The following WDFY4 variants were observed in gnomAD, a reference collection of about 807,000 sequenced individuals.
WDFY4 encodes the protein WDFY family member 4.
Under a neutral mutation model 351.9 loss-of-function variants are expected in WDFY4, and 169 were observed. That is an observed-to-expected ratio of 0.48 (90% CI 0.42 to 0.55). The LOEUF is 0.55. Among genes scored for constraint, WDFY4 ranks in the 20% least tolerant of loss-of-function variants. The pLI, the probability that WDFY4 is intolerant of heterozygous loss-of-function variation, is 0.00. For missense variants in WDFY4, 3,803 were observed against 3,935.6 expected (o/e 0.97, Z 0.90); for synonymous variants, 1,622 against 1,574.6 (o/e 1.03, Z -0.71).
intron 12 of WDFY4, among the ~76,000 whole-genome samples, chr10:48,751,686 C>T (rs143333975): frequency 1.5e-4 from 23 of 152,282 alleles, no homozygotes; most frequent in African/African-American, 5.5e-4. Flanking sequence ...TAATGCATCC[C>T]TCAAGTATCC....
Position 48,923,506 on chromosome 10 carries a change from A to ATATATGTATG in WDFY4, c.7587-18295_7587-18294insGTATGTATAT, listed in dbSNP as rs1554812693. ...AACAAATAGTTTTTAGTATATATAT[A>ATATATGTATG]TATATATGTCCCAAATACCGCATAG... On this transcript the variant is annotated intron_variant, in intron 47 of 61. Coordinates refer to ENST00000325239, the MANE Select transcript of WDFY4 (RefSeq NM_001394531.1). 7.8e-5 allele frequency among the ~76,000 whole-genome samples: 9 copies of ATATATGTATG among 115,114 alleles called. 1 individual carries two copies. The highest frequency in any genetic ancestry group is 3.4e-4 in the South Asian group (1 of 2,982). 75.5% of individuals were successfully genotyped at this position (115,114 alleles called of 152,430 possible).
intron 57 of WDFY4, among the ~76,000 whole-genome samples, chr10:48,973,459 C>T (rs548640783): frequency 1.8e-3 from 278 of 152,278 alleles, no homozygotes; most frequent in African/African-American, 6.5e-3. Context: ...TTGCTATGAC[C>T]GGGCAAAGTG....
intron 35 of WDFY4, among the ~76,000 whole-genome samples, chr10:48,826,174 G>A (rs62382440): frequency 3.3e-5 from 5 of 152,270 alleles, no homozygotes; most frequent in Middle Eastern, 3.4e-3. Context: ...TTCTGTGTAC[G>A]TCTAGCCAGT....
At chr10:48,939,615 T>G (rs1281783061) in intron 47 of WDFY4, among the ~76,000 whole-genome samples, 1 of 152,250 alleles carries the variant, frequency 6.6e-6, no homozygotes, top group African/African-American at 2.4e-5. Context: ...TGCGGTTTAT[T>G]AACTTTTAAA....
In WDFY4 at chr10:48,969,124, C is replaced by G. The variant is rs1842221687; in HGVS notation, c.8645C>G (p.Ser2882Cys). 1.3e-6 allele frequency: 2 copies of G among 1,551,672 alleles called. No homozygotes were observed. Among genetic ancestry groups the G allele is most frequent in the Non-Finnish European group, 1.7e-6 (2 of 1,146,992 alleles). ...SPKGAIGHIV[S>C]TEKTILAVER... Reference sequence around the variant, plus strand: ...AAAGGGGCCATTGGCCACATTGTCTCTACTGAGAAGACCATTCTGGCTGTA... The same window carrying G: ...AAAGGGGCCATTGGCCACATTGTCTGTACTGAGAAGACCATTCTGGCTGTA... The change falls in exon 56 of 62, where the codon TCT (serine) becomes TGT (cysteine). Residue 2882 changes from serine (S) to cysteine (C), a missense_variant. Ser to Cys is a moderately radical substitution (Grantham distance 112, BLOSUM62 -1). Transcript: ENST00000325239.
At chr10:48,820,967 G>C in intron 33 of WDFY4, 95 bp from the exon 34 acceptor site, 2 of 829,940 alleles carry the variant, frequency 2.4e-6, no homozygotes, top group Non-Finnish European at 4.0e-6. Context: ...TGGCAGATGC[G>C]GCATAAGTGT....
chr10:48,891,369 T>C (rs1170812946), intron 44 of WDFY4, among the ~76,000 whole-genome samples: 1 of 152,264 alleles, frequency 6.6e-6, no homozygotes, highest in Non-Finnish European at 1.5e-5. Context: ...GCAGTTGGTC[T>C]ATTTGGGTAC....
intron 47 of WDFY4, among the ~76,000 whole-genome samples, chr10:48,917,974 A>G (rs1838706449): frequency 6.6e-6 from 1 of 152,228 alleles, no homozygotes; most frequent in African/African-American, 2.4e-5. Context: ...CAAGACCTAT[A>G]TGGTGGTAAG....
intron 54 of WDFY4, among the ~76,000 whole-genome samples, 183 bp downstream of exon 54, chr10:48,964,237 A>G (rs908227798): frequency 1.3e-5 from 2 of 152,238 alleles, no homozygotes; most frequent in Non-Finnish European, 2.9e-5. Context: ...GCATATGATG[A>G]CATCATTAGT....
intron 1 of WDFY4, among the ~76,000 whole-genome samples, chr10:48,694,165 G>T (rs534807029): frequency 6.6e-6 from 1 of 152,158 alleles, no homozygotes; most frequent in Admixed American, 6.5e-5. Flanking sequence ...GAGATATAAA[G>T]GATCCTGCAA....
Position 48,743,349 on chromosome 10 carries a change from G to T in WDFY4, c.2260G>T (p.Gly754Cys), listed in dbSNP as rs577366820. The T allele has an allele frequency of 6.4e-7, 1 of 1,551,620 alleles. No individual in the cohort carries two copies. The highest frequency in any genetic ancestry group is 8.7e-7 in the Non-Finnish European group (1 of 1,146,970). Residue 754 changes from glycine to cysteine, a missense_variant, in exon 12 of 62, where the codon GGC (glycine) becomes TGC (cysteine). Transcript: ENST00000325239. Reference sequence around the variant, plus strand: ...GCTGGGCACTGCCTTTTCCTCCAGCGGCTCACTCCCACCCCGGATACAGAG... The same window carrying T: ...GCTGGGCACTGCCTTTTCCTCCAGCTGCTCACTCCCACCCCGGATACAGAG... ...DLLGTAFSSS[G>C]SLPPRIQSCL...
At chr10:48,700,928 A>T (rs1228066259) in intron 1 of WDFY4, among the ~76,000 whole-genome samples, 2 of 147,370 alleles carry the variant, frequency 1.4e-5, no homozygotes, top group African/African-American at 2.4e-5. Context: ...TATAAGTAAC[A>T]TAACATAAGA....
chr10:48,957,355 C>T (rs1041783657), intron 52 of WDFY4, 73 bp downstream of exon 52: 22 of 1,509,800 alleles, frequency 1.5e-5, no homozygotes, highest in Non-Finnish European at 1.8e-5. Context: ...TGGGTGATGA[C>T]CAACATCATC....
Position 48,720,091 on chromosome 10 carries a change from G to GC in WDFY4, c.316dup (p.Gln106ProfsTer55), listed in dbSNP as rs2064030685. The GC allele has an allele frequency of 6.4e-7, 1 of 1,551,762 alleles. No individual in the cohort carries two copies. The highest frequency in any genetic ancestry group is 1.4e-5 in the African/African-American group (1 of 73,048). On this transcript the variant is annotated frameshift_variant, in exon 3 of 62. Coordinates refer to ENST00000325239, the MANE Select transcript of WDFY4 (RefSeq NM_001394531.1). LOFTEE classifies it high-confidence loss of function. ...AAGACGTGTCTGACCAGCTTGCCCA[G>GC]CAACTCCAGAAGGCCCTTGTGGGGA...
intron 12 of WDFY4, among the ~76,000 whole-genome samples, chr10:48,759,364 A>G (rs1398492014): frequency 2.0e-5 from 3 of 152,100 alleles, no homozygotes; most frequent in Non-Finnish European, 4.4e-5. Context: ...TGCTCTGTCT[A>G]GAATTGGCGC....
intron 51 of WDFY4, among the ~76,000 whole-genome samples, chr10:48,954,997 C>A (rs1004458319): frequency 3.9e-5 from 6 of 152,044 alleles, no homozygotes; most frequent in Non-Finnish European, 8.8e-5. Flanking sequence ...ATACAGGTAA[C>A]CTTTTTATTA....
intron 47 of WDFY4, among the ~76,000 whole-genome samples, chr10:48,912,040 A>G (rs1838051158): frequency 1.3e-5 from 2 of 152,210 alleles, no homozygotes; most frequent in Middle Eastern, 3.2e-3. Context: ...TGCCAACAAC[A>G]TAGGAAAGTC....
At chr10:48,843,999 G>A (rs902291843) in intron 39 of WDFY4, among the ~76,000 whole-genome samples, 4 of 152,216 alleles carry the variant, frequency 2.6e-5, no homozygotes, top group African/African-American at 9.6e-5. Context: ...ATCAGTCTGG[G>A]CCCTCCTGAG....
intron 47 of WDFY4, among the ~76,000 whole-genome samples, chr10:48,936,850 A>AT (rs1395038373): frequency 1.3e-5 from 2 of 151,630 alleles, no homozygotes; most frequent in Non-Finnish European, 2.9e-5. Context: ...AAAAAAAAAA[A>AT]AGAAAAAAAA....
Sources: gnomAD v4.1 joint callset for allele counts (sites outside exome capture counted in the v4.1 genomes callset) on GRCh38, gnomAD v4.1.1 for gene constraint, MANE v1.5 for transcripts, NCBI Gene and HGNC (gene_info 2026-07-23, HGNC 2026-07-21) for gene names.